The following CNTN5 variants were observed in gnomAD, a reference collection of about 807,000 sequenced individuals.
The protein encoded by CNTN5 is contactin 5.
CNTN5 carries 77 observed loss-of-function variants against 129.1 expected under a neutral mutation model. That is an observed-to-expected ratio of 0.60 (90% confidence interval 0.50 to 0.72). The LOEUF (loss-of-function observed/expected upper bound fraction) is 0.72. Among genes scored for constraint, CNTN5 ranks in the 30% least tolerant of loss-of-function variants. The pLI, the probability that CNTN5 is intolerant of heterozygous loss-of-function variation, is 0.00. For synonymous variants in CNTN5, 509 were observed against 465.6 expected (o/e 1.09, Z -1.20); for missense variants, 1,478 against 1,328.8 (o/e 1.11, Z -1.75).
At chr11:100,221,420 A>T (rs1397215680) in intron 15 of CNTN5, among the ~76,000 whole-genome samples, 3 of 152,220 alleles carry the variant, frequency 2.0e-5, no homozygotes, top group African/African-American at 7.2e-5. Context: ...TTAGGAATAT[A>T]ATTGGCAGTC....
At chr11:99,310,980 G>A (rs1364918478) in intron 1 of CNTN5, among the ~76,000 whole-genome samples, 2 of 151,958 alleles carry the variant, frequency 1.3e-5, no homozygotes, top group Non-Finnish European at 2.9e-5. Flanking sequence ...CACCCATGCC[G>A]GAATGCGGTG....
intron 6 of CNTN5, among the ~76,000 whole-genome samples, chr11:99,894,492 T>A (rs1591377849): frequency 3.9e-5 from 4 of 103,464 alleles, no homozygotes; most frequent in African/African-American, 7.2e-5. Context: ...AAATTCCCAG[T>A]ATATTATGAC....
At chr11:99,959,507 A>G (rs920722478) in intron 8 of CNTN5, among the ~76,000 whole-genome samples, 2 of 152,280 alleles carry the variant, frequency 1.3e-5, no homozygotes, top group African/African-American at 2.4e-5. Flanking sequence ...ATCCTGTACT[A>G]TTGAGAATCA....
At chr11:100,072,102 T>TA (rs993517610) in intron 12 of CNTN5, among the ~76,000 whole-genome samples, 2 of 152,138 alleles carry the variant, frequency 1.3e-5, no homozygotes, top group African/African-American at 2.4e-5. Context: ...CTATAGCACT[T>TA]AAAAAAATCA....
chr11:99,541,807 C>T (rs538813655), intron 2 of CNTN5, among the ~76,000 whole-genome samples: 7 of 151,720 alleles, frequency 4.6e-5, no homozygotes, highest in East Asian at 3.9e-4. Context: ...AAATTGGCTA[C>T]GTAGGATGGC....
intron 13 of CNTN5, among the ~76,000 whole-genome samples, chr11:100,119,527 C>A (rs1358290343): frequency 6.6e-6 from 1 of 151,766 alleles, no homozygotes; most frequent in Non-Finnish European, 1.5e-5. Context: ...CTTTAGATTT[C>A]TGCATTTCCT....
intron 3 of CNTN5, among the ~76,000 whole-genome samples, chr11:99,592,596 C>T (rs1950012029): frequency 6.6e-6 from 1 of 151,510 alleles, no homozygotes; most frequent in African/African-American, 2.4e-5. Flanking sequence ...GAAAATTCCC[C>T]TTAAAAATTC....
intron 2 of CNTN5, among the ~76,000 whole-genome samples, chr11:99,458,310 T>G (rs552389172): frequency 9.2e-5 from 14 of 151,918 alleles, no homozygotes; most frequent in Non-Finnish European, 1.9e-4. Flanking sequence ...CCACTTAACT[T>G]TTTGAAATCC....
chr11:99,523,036 C>T (rs1359108670), intron 2 of CNTN5, among the ~76,000 whole-genome samples: 1 of 152,174 alleles, frequency 6.6e-6, no homozygotes, highest in African/African-American at 2.4e-5. Flanking sequence ...ATTATTATTT[C>T]ACATTATGTT....
At chr11:99,647,267 A>G (rs745819276) in intron 3 of CNTN5, among the ~76,000 whole-genome samples, 1 of 151,834 alleles carries the variant, frequency 6.6e-6, no homozygotes, top group Non-Finnish European at 1.5e-5. Flanking sequence ...TGGATATCCA[A>G]TTTTCCCCGA....
chr11:99,844,862 C>T lies in CNTN5; in HGVS notation c.288C>T (p.Asp96=), dbSNP rs779022436. 3.7e-6 allele frequency: 6 copies of T among 1,613,160 alleles called. No homozygotes were observed. The African/African-American group carries it at 4.0e-5, about 11-fold the overall frequency. Residue 96 remains aspartate, a synonymous_variant, in exon 5 of 25, where the codon GAC becomes GAT. Coordinates refer to ENST00000524871, the MANE Select transcript of CNTN5 (RefSeq NM_014361.4). ...SDAFKQDESV[D]YGPVFVQEPD... ...GTTTTGTCTTTACAGAAAGTGTGGACTATGGGCCAGTTTTTGTGCAAGAAC... is the reference window on the plus strand; with the variant it reads ...GTTTTGTCTTTACAGAAAGTGTGGATTATGGGCCAGTTTTTGTGCAAGAAC...
chr11:99,638,679 C>T (rs1307582497), intron 3 of CNTN5, among the ~76,000 whole-genome samples: 3 of 152,176 alleles, frequency 2.0e-5, no homozygotes, highest in Non-Finnish European at 2.9e-5. Flanking sequence ...CAAAATCCAG[C>T]AGGGCAGTCC....
intron 20 of CNTN5, 96 bp downstream of exon 20, chr11:100,299,492 G>T: frequency 7.1e-6 from 5 of 707,512 alleles, no homozygotes; most frequent in Admixed American, 3.8e-5. Flanking sequence ...ATACAAATAA[G>T]GCAAAATAAA....
chr11:100,042,758 G>C (rs1312895846), intron 9 of CNTN5, among the ~76,000 whole-genome samples: 1 of 152,154 alleles, frequency 6.6e-6, no homozygotes, highest in African/African-American at 2.4e-5. Flanking sequence ...GCTTGTGTCA[G>C]AATTTCAGTG....
At chr11:100,196,095 T>C (rs576430371) in intron 15 of CNTN5, among the ~76,000 whole-genome samples, 1 of 151,896 alleles carries the variant, frequency 6.6e-6, no homozygotes, top group East Asian at 2.0e-4. Context: ...TTAAAGGATC[T>C]CCTAAGGTGT....
chr11:99,736,179 G>A (rs766292142), intron 3 of CNTN5, among the ~76,000 whole-genome samples: 4 of 152,148 alleles, frequency 2.6e-5, no homozygotes, highest in African/African-American at 4.8e-5. Context: ...TCTATTACTT[G>A]CAGCTTTCAA....
chr11:100,153,450 CTTA>C (rs1377207743), intron 13 of CNTN5, among the ~76,000 whole-genome samples: 1 of 152,010 alleles, frequency 6.6e-6, no homozygotes, highest in Non-Finnish European at 1.5e-5. Flanking sequence ...TAAAAAAACG[CTTA>C]TTATGTTCTT....
At chr11:100,003,098 C>T (rs955175923) in intron 9 of CNTN5, among the ~76,000 whole-genome samples, 20 of 151,836 alleles carry the variant, frequency 1.3e-4, no homozygotes, top group African/African-American at 4.1e-4. Flanking sequence ...ATTTAAGGAA[C>T]GAACATAGTA....
At chr11:99,656,072 G>A (rs2135898557) in intron 3 of CNTN5, among the ~76,000 whole-genome samples, 1 of 152,150 alleles carries the variant, frequency 6.6e-6, no homozygotes, top group South Asian at 2.1e-4. Context: ...GTACATATGT[G>A]TAAGTGTGTG....
Sources: allele counts gnomAD v4.1 joint callset (sites outside exome capture counted in the v4.1 genomes callset), GRCh38; gene constraint gnomAD v4.1.1; transcripts MANE v1.5; gene names NCBI Gene and HGNC (gene_info 2026-07-23, HGNC 2026-07-21).